Variants in NCKAP5 observed in about 807,000 individuals in gnomAD.
NCKAP5 encodes nck-associated protein 5.
In NCKAP5, 92 loss-of-function variants were observed where a neutral mutation model predicts 167.0. The observed-to-expected ratio is 0.55, with a 90% CI of 0.47 to 0.66. NCKAP5 has a LOEUF of 0.66. Among genes scored for constraint, NCKAP5 ranks in the 30% least tolerant of loss-of-function variants. NCKAP5 has a pLI of 0.00. For missense variants in NCKAP5, 2,378 were observed against 2,315.0 expected (o/e 1.03, Z -0.56); for synonymous variants, 891 against 877.4 (o/e 1.02, Z -0.27).
intron 3 of NCKAP5, among the ~76,000 whole-genome samples, chr2:133,401,637 A>C (rs2151023163): frequency 6.6e-6 from 1 of 152,298 alleles, no homozygotes; most frequent in Non-Finnish European, 1.5e-5. Context: ...CTGTAGGTAG[A>C]AACCAATCAT....
chr2:133,387,046 T>C (rs1424456860), intron 3 of NCKAP5, among the ~76,000 whole-genome samples: 1 of 152,228 alleles, frequency 6.6e-6, no homozygotes, highest in African/African-American at 2.4e-5. Flanking sequence ...CCCATTTACA[T>C]TTAAGGTTAA....
chr2:132,730,111 G>C (rs1341911825), intron 17 of NCKAP5, among the ~76,000 whole-genome samples: 2 of 152,134 alleles, frequency 1.3e-5, no homozygotes, highest in African/African-American at 4.8e-5. Flanking sequence ...GGAAAGTTCA[G>C]GATGGGTGAC....
At chr2:133,221,293 C>G (rs529002865) in intron 4 of NCKAP5, among the ~76,000 whole-genome samples, 1 of 152,284 alleles carries the variant, frequency 6.6e-6, no homozygotes, top group African/African-American at 2.4e-5. Flanking sequence ...ATAATACTCT[C>G]CATACAAAAC....
chr2:133,646,835 C>T, the NCKAP5 span, among the ~76,000 whole-genome samples: 55 of 151,838 alleles, frequency 3.6e-4, no homozygotes, highest in Non-Finnish European at 2.1e-4. Context: ...CATAATATAA[C>T]GTATGTAGGG....
intron 4 of NCKAP5, among the ~76,000 whole-genome samples, chr2:133,220,026 A>C (rs1312784053): frequency 1.3e-5 from 2 of 152,220 alleles, no homozygotes; most frequent in African/African-American, 4.8e-5. Flanking sequence ...TTTTTCATGC[A>C]AATTCACAGT....
At chr2:132,965,847 A>C (rs2076644627) in intron 7 of NCKAP5, among the ~76,000 whole-genome samples, 1 of 151,970 alleles carries the variant, frequency 6.6e-6, no homozygotes, top group Non-Finnish European at 1.5e-5. Flanking sequence ...GTACAGTAAA[A>C]ACATGGTATA....
intron 4 of NCKAP5, among the ~76,000 whole-genome samples, chr2:133,256,791 T>G (rs760213144): frequency 3.3e-5 from 5 of 152,202 alleles, no homozygotes; most frequent in Admixed American, 3.3e-4. Context: ...AGGCCATTTA[T>G]TAACATAAAT....
At chr2:133,048,026 A>G (rs1156730360) in intron 6 of NCKAP5, among the ~76,000 whole-genome samples, 1 of 152,188 alleles carries the variant, frequency 6.6e-6, no homozygotes, top group Non-Finnish European at 1.5e-5. Context: ...AGAATCCCGA[A>G]AGATTCAGGT....
chr2:133,058,478 C>T (rs979999655), intron 6 of NCKAP5, among the ~76,000 whole-genome samples: 6 of 152,104 alleles, frequency 3.9e-5, no homozygotes, highest in Admixed American at 6.6e-5. Flanking sequence ...GAAGTTTATT[C>T]CAACCCTCAT....
chr2:133,447,364 C>T (rs1250346751), intron 3 of NCKAP5, among the ~76,000 whole-genome samples: 1 of 152,080 alleles, frequency 6.6e-6, no homozygotes. Context: ...TGAATTGAAT[C>T]GGCTCAATAA....
chr2:133,404,777 T>C (rs1688318200), intron 3 of NCKAP5, among the ~76,000 whole-genome samples: 1 of 152,212 alleles, frequency 6.6e-6, no homozygotes. Flanking sequence ...GATATTCAGG[T>C]CTTTTCTTTC....
chr2:133,671,718 G>T, the NCKAP5 span, among the ~76,000 whole-genome samples: 2 of 150,924 alleles, frequency 1.3e-5, no homozygotes, highest in Non-Finnish European at 3.0e-5. Context: ...AAATTACCCA[G>T]TTTCAGGTAT....
intron 3 of NCKAP5, among the ~76,000 whole-genome samples, chr2:133,359,104 G>T (rs1455147602): frequency 6.6e-6 from 1 of 152,130 alleles, no homozygotes; most frequent in Admixed American, 6.5e-5. Flanking sequence ...CTCAGAAAAA[G>T]AAAGATTTAT....
At chr2:133,132,499 A>T (rs2082640885) in intron 5 of NCKAP5, among the ~76,000 whole-genome samples, 1 of 148,810 alleles carries the variant, frequency 6.7e-6, no homozygotes, top group Non-Finnish European at 1.5e-5. Flanking sequence ...ACACACACAC[A>T]CACACACACA....
intron 6 of NCKAP5, among the ~76,000 whole-genome samples, chr2:133,081,009 C>T (rs2080785134): frequency 6.6e-6 from 1 of 152,064 alleles, no homozygotes; most frequent in Non-Finnish European, 1.5e-5. Context: ...AGAAGTGGGG[C>T]TCTGCACAGT....
chr2:132,678,997 AT>A (rs1684856711), intron 19 of NCKAP5, among the ~76,000 whole-genome samples: 1 of 152,164 alleles, frequency 6.6e-6, no homozygotes, highest in Non-Finnish European at 1.5e-5. Context: ...TATTATTGGA[AT>A]TTGAGGTGGC....
chr2:132,728,682 C>T, intron 18 of NCKAP5, 134 bp downstream of exon 18: 1 of 1,176,308 alleles, frequency 8.5e-7, no homozygotes, highest in Non-Finnish European at 1.2e-6. Context: ...AACCCTAGAC[C>T]TTGGTTTATA....
chr2:133,517,695 CA>C (rs754089201), intron 2 of NCKAP5, 108 bp from the exon 3 acceptor site: 1 of 414,104 alleles, frequency 2.4e-6, no homozygotes, highest in Non-Finnish European at 4.3e-6. Flanking sequence ...TACCCAGTCC[CA>C]AATAATAAGT....
chr2:132,682,790 G>A (rs1239779505), intron 19 of NCKAP5, among the ~76,000 whole-genome samples: 3 of 151,898 alleles, frequency 2.0e-5, no homozygotes, highest in Non-Finnish European at 4.4e-5. Flanking sequence ...TTTTTCATAG[G>A]TTAACTAGTT....
Sources: gnomAD v4.1 joint callset for allele counts (sites outside exome capture counted in the v4.1 genomes callset) on GRCh38, gnomAD v4.1.1 for gene constraint, MANE v1.5 for transcripts, NCBI Gene and HGNC (gene_info 2026-07-23, HGNC 2026-07-21) for gene names.